ABCC9: variants seen among roughly 807,000 people sequenced by gnomAD.
ABCC9 encodes ATP-binding cassette sub-family C member 9.
Under a neutral mutation model 188.3 loss-of-function variants are expected in ABCC9, and 95 were observed. The observed-to-expected ratio is 0.50, with a 90% confidence interval of 0.43 to 0.60. The LOEUF (loss-of-function observed/expected upper bound fraction) is 0.60. Ranked by LOEUF, ABCC9 falls within the 20% of genes least tolerant of loss-of-function variation. The pLI is 0.00. For synonymous variants in ABCC9, 659 were observed against 652.7 expected (o/e 1.01, Z -0.15); for missense variants, 1,102 against 1,876.3 (o/e 0.59, Z 7.62).
intron 3 of ABCC9, among the ~76,000 whole-genome samples, chr12:21,935,734 A>G (rs889142808): frequency 2.0e-5 from 3 of 152,022 alleles, no homozygotes; most frequent in Non-Finnish European, 4.4e-5. Context: ...TTTCATTCTT[A>G]TTTCTATATT....
At chr12:21,877,763 T>G (rs553630514) in intron 16 of ABCC9, among the ~76,000 whole-genome samples, 1 of 152,104 alleles carries the variant, frequency 6.6e-6, no homozygotes, top group South Asian at 2.1e-4. Context: ...TACTGTAGGT[T>G]TGGAAAATAA....
intron 31 of ABCC9, chr12:21,827,305 C>A (rs1236964996): frequency 3.0e-6 from 3 of 985,172 alleles, no homozygotes; most frequent in Admixed American, 6.2e-5. Flanking sequence ...AATCTGACAG[C>A]AGGAAGTGCT....
Position 21,940,795 on chromosome 12 carries a change from G to A in ABCC9, c.-106C>T, listed in dbSNP as rs755497608. 1 of 152,142 alleles carries A rather than the reference G, an allele frequency of 6.6e-6. No homozygotes were observed. The highest frequency in any genetic ancestry group is 1.5e-5 in the Non-Finnish European group (1 of 68,038). The allele number at this position is 152,142 out of a possible 1,614,324, so 9.4% of individuals were successfully genotyped here. On this transcript the variant is annotated 5_prime_UTR_variant, in exon 2 of 40. Coordinates refer to ENST00000261200, the MANE Select transcript of ABCC9 (RefSeq NM_020297.4). Reference sequence around the variant, plus strand: ...ACACCGACTTCCTACACTGTCTTAAGATGTAAATTTCAAACCCGGACGCAG... The same window carrying A: ...ACACCGACTTCCTACACTGTCTTAAAATGTAAATTTCAAACCCGGACGCAG...
chr12:21,805,097 A>G, intron 39 of ABCC9: 1 of 1,595,846 alleles, frequency 6.3e-7, no homozygotes, highest in Non-Finnish European at 8.6e-7. Context: ...TCACAGCATT[A>G]GCCATGCCTT....
chr12:21,879,771 A>G (rs1946533451), intron 16 of ABCC9, among the ~76,000 whole-genome samples: 1 of 152,024 alleles, frequency 6.6e-6, no homozygotes. Flanking sequence ...TCCAAAATAT[A>G]AGGAAAAAAT....
intron 30 of ABCC9, 87 bp downstream of exon 30, chr12:21,837,991 A>G: frequency 8.8e-7 from 1 of 1,132,636 alleles, no homozygotes; most frequent in Non-Finnish European, 1.3e-6. Flanking sequence ...ATCAAACAAA[A>G]TGAAAGCAAT....
rs190464923 is a variant in ABCC9, at chr12:21,919,248, A to G, written c.407-2145T>C. ...TAAAATGGACAAAATTGATAATGCCATTCTTTGAAAAGACTAATAAAATTG... is the reference window on the plus strand; with the variant it reads ...TAAAATGGACAAAATTGATAATGCCGTTCTTTGAAAAGACTAATAAAATTG... On this transcript the variant is annotated intron_variant, in intron 5 of 39. Transcript: ENST00000261200. Among the ~76,000 whole-genome samples the G allele has an allele frequency of 5.6e-4, 85 of 152,178 alleles. No homozygotes were observed. In the Middle Eastern group the frequency reaches 0.01, roughly 18 times the overall value.
At chr12:21,887,776 C>G (rs1015884803) in intron 15 of ABCC9, 50 bp downstream of exon 15, 35 of 1,162,454 alleles carry the variant, frequency 3.0e-5, no homozygotes, top group Non-Finnish European at 4.4e-5. Context: ...GTCCATTCTG[C>G]TGAGACTGTC....
At chr12:21,846,259 C>T (rs1199101655) in intron 25 of ABCC9, among the ~76,000 whole-genome samples, 2 of 152,154 alleles carry the variant, frequency 1.3e-5, no homozygotes, top group African/African-American at 2.4e-5. Context: ...AGGGCATACT[C>T]CATGCTGTCT....
chr12:21,911,439 GATAAATA>G (rs1421120722), intron 8 of ABCC9, among the ~76,000 whole-genome samples: 1 of 151,776 alleles, frequency 6.6e-6, no homozygotes, highest in Non-Finnish European at 1.5e-5. Flanking sequence ...ATGCTAATAA[GATAAATA>G]ATAAATTATA....
intron 31 of ABCC9, among the ~76,000 whole-genome samples, chr12:21,826,620 A>C: frequency 6.6e-6 from 1 of 152,338 alleles, no homozygotes; most frequent in Non-Finnish European, 1.5e-5. Context: ...GCAGAGCGAC[A>C]GTGAATCTGA....
intron 5 of ABCC9, among the ~76,000 whole-genome samples, chr12:21,918,281 T>C (rs1009960005): frequency 3.3e-5 from 5 of 152,116 alleles, no homozygotes; most frequent in African/African-American, 1.2e-4. Context: ...ATATGACCAA[T>C]GAAGATTTAG....
chr12:21,883,385 T>C (rs192932498), intron 15 of ABCC9, among the ~76,000 whole-genome samples: 30 of 152,340 alleles, frequency 2.0e-4, no homozygotes, highest in Non-Finnish European at 4.0e-4. Flanking sequence ...TGGTTTTACA[T>C]AGGGGAGTTC....
chr12:21,940,950 C>A (rs1016072641), intron 1 of ABCC9, 125 bp from the exon 2 acceptor site: 4 of 152,138 alleles, frequency 2.6e-5, no homozygotes, highest in African/African-American at 9.7e-5. Flanking sequence ...TTCACTGTTT[C>A]CAGTTGATTT....
chr12:21,801,080 A>G lies in ABCC9; in HGVS notation c.4614T>C (p.Asn1538=). Residue 1538 remains asparagine (N), a synonymous_variant, in exon 40 of 40, where the codon AAT becomes AAC. Transcript: ENST00000261200. Reference sequence around the variant, plus strand: ...CGCGAACAAAAGAAGCAAATACTCCATTTTCCTGAGCCAAGAGGCTTTCTG... The same window carrying G: ...CGCGAACAAAAGAAGCAAATACTCCGTTTTCCTGAGCCAAGAGGCTTTCTG... ...DTPESLLAQE[N]GVFASFVRAD... 6.2e-7 allele frequency: 1 copy of G among 1,613,880 alleles called. No homozygotes were observed. The highest frequency in any genetic ancestry group is 8.5e-7 in the Non-Finnish European group (1 of 1,179,898).
intron 10 of ABCC9, among the ~76,000 whole-genome samples, chr12:21,909,748 C>T (rs1253435929): frequency 6.6e-6 from 1 of 151,876 alleles, no homozygotes; most frequent in Non-Finnish European, 1.5e-5. Flanking sequence ...TTACATGAAT[C>T]GAGGCAATAA....
At chr12:21,899,138 A>G (rs980268017) in intron 12 of ABCC9, among the ~76,000 whole-genome samples, 1 of 152,186 alleles carries the variant, frequency 6.6e-6, no homozygotes, top group African/African-American at 2.4e-5. Flanking sequence ...AGCAAATCTG[A>G]TTGATTTCTA....
rs1206621575 is a variant in ABCC9 at position 21,864,426 on chromosome 12, A to G, written c.2237+13T>C. ...TTATTCTTATTAAACTCAGGTTAAA[A>G]TAGAAATAATACCTTCTGGTTGCTT... On this transcript the variant is annotated intron_variant, in intron 19 of 39. Coordinates refer to ENST00000261200, the MANE Select transcript of ABCC9 (RefSeq NM_020297.4). 6.4e-7 allele frequency: 1 copy of G among 1,565,302 alleles called. No homozygotes were observed. Among genetic ancestry groups the G allele is most frequent in the South Asian group, 1.1e-5 (1 of 90,102 alleles).
At chr12:21,804,608 T>C (rs956723728) in intron 39 of ABCC9, among the ~76,000 whole-genome samples, 5 of 152,244 alleles carry the variant, frequency 3.3e-5, no homozygotes, top group Non-Finnish European at 5.9e-5. Context: ...CAGAGTTCAC[T>C]GGAAAAATTC....
Sources: gnomAD v4.1 joint callset for allele counts (sites outside exome capture counted in the v4.1 genomes callset) on GRCh38, gnomAD v4.1.1 for gene constraint, MANE v1.5 for transcripts, NCBI Gene and HGNC (gene_info 2026-07-23, HGNC 2026-07-21) for gene names.